Variants in DOCK4 observed in about 807,000 individuals in gnomAD.
DOCK4 encodes dedicator of cytokinesis 4, also known as dedicator of cytokinesis protein 4.
Under a neutral mutation model 268.1 loss-of-function variants are expected in DOCK4, and 97 were observed. The ratio of observed to expected loss-of-function variants is 0.36; its 90% confidence interval spans 0.31 to 0.43. The LOEUF (loss-of-function observed/expected upper bound fraction) is 0.43. DOCK4 is among the 20% of genes least tolerant of loss of function. The pLI is 1.00. For synonymous variants in DOCK4, 954 were observed against 887.2 expected (o/e 1.08, Z -1.34); for missense variants, 2,145 against 2,455.7 (o/e 0.87, Z 2.67).
At chr7:111,868,460 C>A (rs946495122) in intron 21 of DOCK4, among the ~76,000 whole-genome samples, 3 of 152,084 alleles carry the variant, frequency 2.0e-5, no homozygotes, top group African/African-American at 7.2e-5. Context: ...CCTGTAATCC[C>A]AGCACTTTGG....
intron 37 of DOCK4, among the ~76,000 whole-genome samples, 170 bp downstream of exon 37, chr7:111,769,349 ATGGCTAGGAG>A (rs1337061216): frequency 6.6e-6 from 1 of 152,202 alleles, no homozygotes; most frequent in Non-Finnish European, 1.5e-5. Context: ...ATGAATCAGA[ATGGCTAGGAG>A]TGGCACCTAG....
At chr7:111,760,738 T>TTGTGTGTGTGTGTGTG (rs3997406) in intron 39 of DOCK4, among the ~76,000 whole-genome samples, 2 of 136,910 alleles carry the variant, frequency 1.5e-5, no homozygotes, top group African/African-American at 5.6e-5. Flanking sequence ...TGTCTGCTTT[T>TTGTGTGTGTGTGTGTG]TGTGTGTGTG....
At chr7:112,140,615 A>C (rs1814815540) in intron 1 of DOCK4, among the ~76,000 whole-genome samples, 2 of 151,918 alleles carry the variant, frequency 1.3e-5, no homozygotes. Flanking sequence ...AAAAAAAAAA[A>C]AGTTAAAAAA....
At chr7:111,807,619 C>T (rs74414723) in intron 30 of DOCK4, 11,144 of 151,782 alleles carry the variant, frequency 0.073, 1,386 homozygotes, top group African/African-American at 0.26. Flanking sequence ...AGATTACAGG[C>T]ACCCCCCCAC....
chr7:112,203,633 A>G (rs915276048), intron 1 of DOCK4, among the ~76,000 whole-genome samples: 3 of 152,212 alleles, frequency 2.0e-5, no homozygotes, highest in African/African-American at 7.2e-5. Context: ...CTAAATTACC[A>G]CTACACTTGG....
chr7:111,837,906 G>A (rs1184074851), intron 25 of DOCK4, among the ~76,000 whole-genome samples: 1 of 151,778 alleles, frequency 6.6e-6, no homozygotes, highest in African/African-American at 2.4e-5. Flanking sequence ...GGCCAACATG[G>A]TGAAACCTGA....
At chr7:111,870,207 T>C (rs1806296305) in intron 20 of DOCK4, among the ~76,000 whole-genome samples, 1 of 152,094 alleles carries the variant, frequency 6.6e-6, no homozygotes, top group African/African-American at 2.4e-5. Flanking sequence ...AAGGCCAAGG[T>C]AATTTTTTTT....
chr7:111,960,961 G>C (rs901417784), intron 8 of DOCK4, among the ~76,000 whole-genome samples: 3 of 152,032 alleles, frequency 2.0e-5, no homozygotes, highest in Non-Finnish European at 4.4e-5. Flanking sequence ...CCATATCTTA[G>C]CTATTGTCAA....
intron 1 of DOCK4, among the ~76,000 whole-genome samples, chr7:112,087,850 G>A (rs1235391657): frequency 6.6e-6 from 1 of 152,070 alleles, no homozygotes; most frequent in Non-Finnish European, 1.5e-5. Context: ...CATCGTGAAT[G>A]AAATACAGCC....
intron 1 of DOCK4, among the ~76,000 whole-genome samples, chr7:112,085,108 T>C (rs1808956238): frequency 6.6e-6 from 1 of 152,104 alleles, no homozygotes; most frequent in Admixed American, 6.6e-5. Flanking sequence ...ACACAGATCA[T>C]ATCACAAAGC....
At chr7:112,066,607 C>CAT (rs1554433146) in intron 1 of DOCK4, among the ~76,000 whole-genome samples, 11 of 123,376 alleles carry the variant, frequency 8.9e-5, no homozygotes, top group Admixed American at 1.6e-4. Flanking sequence ...CATATATACA[C>CAT]GTGTATACAT....
At chr7:112,095,071 T>C (rs1468178955) in intron 1 of DOCK4, among the ~76,000 whole-genome samples, 1 of 152,098 alleles carries the variant, frequency 6.6e-6, no homozygotes, top group East Asian at 1.9e-4. Flanking sequence ...GGACTTTTAT[T>C]GTGAACTTTT....
At chr7:112,009,894 GAA>G (rs1198928336) in intron 1 of DOCK4, among the ~76,000 whole-genome samples, 2 of 152,192 alleles carry the variant, frequency 1.3e-5, no homozygotes, top group Non-Finnish European at 2.9e-5. Context: ...TCAGCTCACT[GAA>G]ACCTCCACTT....
At chr7:112,025,323 A>G (rs1042007768) in intron 1 of DOCK4, among the ~76,000 whole-genome samples, 2 of 152,184 alleles carry the variant, frequency 1.3e-5, no homozygotes, top group African/African-American at 4.8e-5. Context: ...ACAAGCTCCA[A>G]GATTCCCTGG....
chr7:111,992,408 A>G (rs942150757), intron 5 of DOCK4, among the ~76,000 whole-genome samples: 5 of 152,196 alleles, frequency 3.3e-5, no homozygotes, highest in Non-Finnish European at 5.9e-5. Flanking sequence ...CAAAGGTCTG[A>G]CATGGCCAAG....
At chr7:111,839,223 T>C (rs1344255068) in intron 25 of DOCK4, among the ~76,000 whole-genome samples, 2 of 152,228 alleles carry the variant, frequency 1.3e-5, no homozygotes, top group African/African-American at 4.8e-5. Flanking sequence ...TAAGTATACT[T>C]GAATTCATCA....
intron 17 of DOCK4, among the ~76,000 whole-genome samples, chr7:111,876,763 T>C (rs1043317829): frequency 2.0e-5 from 3 of 151,926 alleles, no homozygotes; most frequent in African/African-American, 7.2e-5. Context: ...TTTTTTTTTT[T>C]TCAAAGCATC....
intron 1 of DOCK4, among the ~76,000 whole-genome samples, chr7:112,042,008 C>A (rs1804412533): frequency 6.6e-6 from 1 of 152,150 alleles, no homozygotes; most frequent in Non-Finnish European, 1.5e-5. Context: ...GCGTGTAGTC[C>A]TAGCTACTCA....
chr7:112,123,743 A>G (rs1586870007), intron 1 of DOCK4, among the ~76,000 whole-genome samples: 1 of 152,198 alleles, frequency 6.6e-6, no homozygotes, highest in South Asian at 2.1e-4. Flanking sequence ...ATCTTCTGTC[A>G]CATTCTTCTG....
Sources: allele counts gnomAD v4.1 joint callset (sites outside exome capture counted in the v4.1 genomes callset), GRCh38; gene constraint gnomAD v4.1.1; transcripts MANE v1.5; gene names NCBI Gene and HGNC (gene_info 2026-07-23, HGNC 2026-07-21).